Variants in FMNL2 observed in about 807,000 individuals in gnomAD.
The protein encoded by FMNL2 is formin like 2, also known as formin-like protein 2.
Under a neutral mutation model 130.2 loss-of-function variants are expected in FMNL2, and 51 were observed. That is an observed-to-expected ratio of 0.39 (90% CI 0.31 to 0.49). The LOEUF (loss-of-function observed/expected upper bound fraction) is 0.49, where lower values mean the gene tolerates loss of function less well. FMNL2 is among the 20% of genes least tolerant of loss of function. FMNL2 has a pLI of 0.85. For synonymous variants in FMNL2, 465 were observed against 467.1 expected (o/e 1.00, Z 0.06); for missense variants, 977 against 1,316.2 (o/e 0.74, Z 3.99).
intron 1 of FMNL2, chr2:152,390,095 TGAG>T: frequency 6.9e-7 from 1 of 1,447,404 alleles, no homozygotes; most frequent in Non-Finnish European, 9.7e-7. Context: ...AGGAGGAAGA[TGAG>T]GAGGACAAAG....
intron 1 of FMNL2, among the ~76,000 whole-genome samples, chr2:152,463,843 C>A (rs1182080997): frequency 3.3e-5 from 5 of 151,692 alleles, no homozygotes; most frequent in African/African-American, 4.8e-5. Context: ...TTTTTTTCTC[C>A]CTGGCTTTTC....
intron 1 of FMNL2, among the ~76,000 whole-genome samples, chr2:152,370,283 C>T (rs1683799029): frequency 6.6e-6 from 1 of 152,142 alleles, no homozygotes; most frequent in Non-Finnish European, 1.5e-5. Context: ...TGTATCCTCA[C>T]ATGGCAGAAA....
chr2:152,515,708 C>A (rs549513615), intron 1 of FMNL2, among the ~76,000 whole-genome samples: 1 of 152,086 alleles, frequency 6.6e-6, no homozygotes, highest in Non-Finnish European at 1.5e-5. Context: ...CCTTGTCCTC[C>A]GATTTCCTTC....
At chr2:152,412,153 A>G (rs1402599581) in intron 1 of FMNL2, among the ~76,000 whole-genome samples, 2 of 152,066 alleles carry the variant, frequency 1.3e-5, no homozygotes, top group East Asian at 3.9e-4. Flanking sequence ...TCTGACCTGT[A>G]TAAATGAGAC....
rs537316682 is a variant in FMNL2 at position 152,628,092 on chromosome 2, C to G, written c.2166-207C>G. 4.6e-5 allele frequency among the ~76,000 whole-genome samples: 7 copies of G among 152,268 alleles called. No individual in the cohort carries two copies. The East Asian group carries it at 1.2e-3, about 25-fold the overall frequency. Reference sequence around the variant, plus strand: ...CAAGGTCCACGTTTTCAGGAAGAACCAGTTAAGTTACCTGAGGCATAGTCA... The same window carrying G: ...CAAGGTCCACGTTTTCAGGAAGAACGAGTTAAGTTACCTGAGGCATAGTCA... On this transcript the variant is annotated intron_variant, in intron 17 of 25. Transcript: ENST00000288670.
chr2:152,383,787 A>C (rs1300123775), intron 1 of FMNL2, among the ~76,000 whole-genome samples: 2 of 152,230 alleles, frequency 1.3e-5, no homozygotes, highest in Non-Finnish European at 1.5e-5. Flanking sequence ...GCATTTATTT[A>C]GTCTTCAAGG....
At chr2:152,455,547 T>A (rs1310015749) in intron 1 of FMNL2, among the ~76,000 whole-genome samples, 2 of 152,160 alleles carry the variant, frequency 1.3e-5, no homozygotes, top group East Asian at 3.9e-4. Context: ...TTCCATTTGT[T>A]TACTGAGCAC....
chr2:152,475,792 C>T (rs1249114567), intron 1 of FMNL2, among the ~76,000 whole-genome samples: 1 of 152,094 alleles, frequency 6.6e-6, no homozygotes, highest in Non-Finnish European at 1.5e-5. Flanking sequence ...AGCCACCGCG[C>T]CTGGCCAAGA....
chr2:152,478,473 T>C (rs1363658421), intron 1 of FMNL2, among the ~76,000 whole-genome samples: 1 of 151,978 alleles, frequency 6.6e-6, no homozygotes, highest in Admixed American at 6.6e-5. Context: ...CCTGACCTCG[T>C]GATCTGCTGG....
intron 1 of FMNL2, among the ~76,000 whole-genome samples, chr2:152,369,486 T>C (rs1683751576): frequency 6.6e-6 from 1 of 152,364 alleles, no homozygotes; most frequent in South Asian, 2.1e-4. Context: ...GCCCTGCCTT[T>C]GGTATTTCAT....
At chr2:152,577,009 A>G (rs1025303147) in intron 7 of FMNL2, among the ~76,000 whole-genome samples, 10 of 152,208 alleles carry the variant, frequency 6.6e-5, no homozygotes, top group Middle Eastern at 3.2e-3. Flanking sequence ...ATAATCTGAC[A>G]CTTGCATTTA....
At chr2:152,631,392 C>CAAAAAAAAAAAAAAAAAAAA in intron 20 of FMNL2, among the ~76,000 whole-genome samples, 1 of 77,248 alleles carries the variant, frequency 1.3e-5, no homozygotes, top group Non-Finnish European at 2.4e-5. Flanking sequence ...GACTCCATCT[C>CAAAAAAAAAAAAAAAAAAAA]AAAAAAAAAA....
intron 1 of FMNL2, among the ~76,000 whole-genome samples, chr2:152,366,206 C>T (rs1465821180): frequency 6.8e-6 from 1 of 147,972 alleles, no homozygotes; most frequent in African/African-American, 2.5e-5. Context: ...ATTGAGATTT[C>T]CCCATAAGAA....
intron 1 of FMNL2, among the ~76,000 whole-genome samples, chr2:152,377,826 T>A (rs1050229133): frequency 6.6e-6 from 1 of 152,114 alleles, no homozygotes; most frequent in African/African-American, 2.4e-5. Context: ...AGTCTTAAAG[T>A]TTTGAACTTA....
chr2:152,376,929 C>G (rs537445380), intron 1 of FMNL2, among the ~76,000 whole-genome samples: 116 of 152,260 alleles, frequency 7.6e-4, no homozygotes, highest in Admixed American at 2.0e-3. Context: ...CAACAAAACT[C>G]TGAGGATTAG....
chr2:152,446,292 G>A (rs944440617), intron 1 of FMNL2, among the ~76,000 whole-genome samples: 3 of 152,012 alleles, frequency 2.0e-5, no homozygotes, highest in Admixed American at 6.6e-5. Flanking sequence ...ATTTTTTTTA[G>A]AATAACAGAG....
chr2:152,412,472 ATATATATATATATATATATATATATATAT>A (rs1686363872), intron 1 of FMNL2, among the ~76,000 whole-genome samples: 4 of 21,958 alleles, frequency 1.8e-4, no homozygotes, highest in African/African-American at 5.6e-4. Context: ...ATATATATAT[ATATATATATATATATATATATATATATAT>A]AAATTAGAAA....
chr2:152,401,241 A>G (rs562909245), intron 1 of FMNL2, among the ~76,000 whole-genome samples: 3 of 152,370 alleles, frequency 2.0e-5, no homozygotes, highest in South Asian at 2.1e-4. Context: ...AGAAGTCCCT[A>G]TGTAGTTCTT....
At chr2:152,608,342 AT>A (rs1698488168) in intron 10 of FMNL2, among the ~76,000 whole-genome samples, 1 of 124,682 alleles carries the variant, frequency 8.0e-6, no homozygotes, top group Non-Finnish European at 1.6e-5. Flanking sequence ...AGCTTTGCAG[AT>A]TTCTAACCCT....
Sources: gnomAD v4.1 joint callset for allele counts (sites outside exome capture counted in the v4.1 genomes callset) on GRCh38, gnomAD v4.1.1 for gene constraint, MANE v1.5 for transcripts, NCBI Gene and HGNC (gene_info 2026-07-23, HGNC 2026-07-21) for gene names.